ANXA6: variants seen among roughly 807,000 people sequenced by gnomAD.
ANXA6 encodes the protein 67 kDa calelectrin.
Under a neutral mutation model 95.4 loss-of-function variants are expected in ANXA6, and 71 were observed. The ratio of observed to expected loss-of-function variants is 0.74; its 90% CI spans 0.61 to 0.91. ANXA6 has a LOEUF of 0.91. ANXA6 is among the 40% of genes least tolerant of loss of function. ANXA6 has a pLI of 0.00. For missense variants in ANXA6, 830 were observed against 876.4 expected (o/e 0.95, Z 0.67); for synonymous variants, 289 against 315.9 (o/e 0.91, Z 0.90).
At chr5:151,143,104 A>T (rs1388929276) in intron 2 of ANXA6, among the ~76,000 whole-genome samples, 1 of 152,208 alleles carries the variant, frequency 6.6e-6, no homozygotes, top group East Asian at 1.9e-4. Flanking sequence ...GTCTATTACC[A>T]CTTGTGTCCC....
intron 10 of ANXA6, among the ~76,000 whole-genome samples, chr5:151,131,950 G>C (rs10051414): frequency 6.6e-6 from 1 of 151,870 alleles, no homozygotes; most frequent in South Asian, 2.1e-4. Flanking sequence ...CCAAGCCCAT[G>C]TGGGAGAAGC....
chr5:151,118,792 T>G (rs1461559474), intron 18 of ANXA6, among the ~76,000 whole-genome samples: 3 of 151,944 alleles, frequency 2.0e-5, no homozygotes, highest in African/African-American at 7.3e-5. Flanking sequence ...GGTCTCGAAG[T>G]CCTGGGCTCA....
At chr5:151,138,567 G>T in intron 5 of ANXA6, 111 bp downstream of exon 5, 1 of 710,970 alleles carries the variant, frequency 1.4e-6, no homozygotes, top group Non-Finnish European at 2.5e-6. Flanking sequence ...CTTTGAAGCA[G>T]GACACATGTG....
chr5:151,139,955 A>C (rs567414783), intron 3 of ANXA6, among the ~76,000 whole-genome samples, 198 bp downstream of exon 3: 12 of 152,292 alleles, frequency 7.9e-5, no homozygotes, highest in African/African-American at 2.4e-4. Flanking sequence ...TCTATGGGTG[A>C]AATTTCTATT....
intron 2 of ANXA6, 147 bp downstream of exon 2, chr5:151,147,737 T>C (rs560974436): frequency 4.2e-5 from 34 of 818,286 alleles, no homozygotes; most frequent in Non-Finnish European, 6.1e-5. Context: ...CCATGACTTG[T>C]AACAGGAGCA....
At chr5:151,140,000 T>C (rs1342269667) in intron 3 of ANXA6, among the ~76,000 whole-genome samples, 153 bp downstream of exon 3, 3 of 152,138 alleles carry the variant, frequency 2.0e-5, no homozygotes, top group Non-Finnish European at 4.4e-5. Flanking sequence ...CATTTTATTA[T>C]AACATCATGA....
At position 151,119,396 on chromosome 5, in the gene ANXA6, A is replaced by G. The variant is rs2113911977; in HGVS notation, c.1348-6T>C. ...TTTTCATCTGTGCCGGCTCCCTGGA[A>G]TGTCAAGGCAAAGATGATCTCAGCC... On this transcript the variant is annotated splice_polypyrimidine_tract_variant and splice_region_variant and intron_variant, in intron 17 of 25. Coordinates refer to ENST00000354546, the MANE Select transcript of ANXA6 (RefSeq NM_001155.5). 2 of 1,613,384 alleles carry G rather than the reference A, an allele frequency of 1.2e-6. No individual in the cohort carries two copies. Among genetic ancestry groups the G allele is most frequent in the Non-Finnish European group, 1.7e-6 (2 of 1,179,456 alleles).
intron 2 of ANXA6, among the ~76,000 whole-genome samples, chr5:151,145,617 G>A (rs539809675): frequency 3.3e-5 from 5 of 152,322 alleles, no homozygotes; most frequent in South Asian, 2.1e-4. Context: ...GCATGCACAC[G>A]TGTGTATACA....
intron 13 of ANXA6, 63 bp from the exon 14 acceptor site, chr5:151,126,543 AACACACAC>A (rs3079845): frequency 2.4e-4 from 197 of 829,190 alleles, no homozygotes; most frequent in Non-Finnish European, 3.1e-4. Context: ...CACTCACACC[AACACACAC>A]ACACACACAC....
chr5:151,147,816 G>A, intron 2 of ANXA6, 68 bp downstream of exon 2: 3 of 1,539,988 alleles, frequency 1.9e-6, no homozygotes, highest in Non-Finnish European at 1.8e-6. Flanking sequence ...AGCAGGCCTA[G>A]TGGCTCCAGG....
In ANXA6 at chr5:151,156,832, A is replaced by G. The variant is rs181108325; in HGVS notation, c.-26+848T>C. 3.2e-3 allele frequency among the ~76,000 whole-genome samples: 482 copies of G among 152,284 alleles called. 2 individuals carry two copies. Among genetic ancestry groups the G allele is most frequent in the African/African-American group, 0.011 (444 of 41,550 alleles). ...CAGCTGACAAATAAATCAGTTTTCAAAGCCATTGTTTCCTTTGAAAGAGAC... is the reference window on the plus strand; with the variant it reads ...CAGCTGACAAATAAATCAGTTTTCAGAGCCATTGTTTCCTTTGAAAGAGAC... On this transcript the variant is annotated intron_variant, in intron 1 of 25. Coordinates refer to ENST00000354546, the MANE Select transcript of ANXA6 (RefSeq NM_001155.5).
intron 17 of ANXA6, among the ~76,000 whole-genome samples, chr5:151,121,335 G>C (rs928159149): frequency 3.3e-5 from 5 of 152,218 alleles, no homozygotes; most frequent in African/African-American, 4.8e-5. Context: ...CTTGTGGCTT[G>C]AGGAGGCAAC....
In ANXA6 at chr5:151,109,760, G is replaced by GA; in HGVS notation, c.1676dup (p.Arg560ProfsTer14). The GA allele has an allele frequency of 6.2e-7, 1 of 1,609,194 alleles. No homozygotes were observed. The highest frequency in any genetic ancestry group is 8.5e-7 in the Non-Finnish European group (1 of 1,177,562). ...GAGGAGGTCAGGCCTCACCTCTCCG[G>GA]AGGTGCGGATAGCTCCGGGTACACA... is the stretch of plus-strand genomic sequence containing the variant. On this transcript the variant is annotated frameshift_variant, in exon 22 of 26. Coordinates refer to ENST00000354546, the MANE Select transcript of ANXA6 (RefSeq NM_001155.5). LOFTEE classifies it high-confidence loss of function.
Position 151,147,923 on chromosome 5 carries a change from T to C in ANXA6, c.-22A>G. The C allele has an allele frequency of 2.5e-6, 4 of 1,604,606 alleles. No individual in the cohort carries two copies. The highest frequency in any genetic ancestry group is 3.4e-6 in the Non-Finnish European group (4 of 1,175,542). ...CCATGGTCTCCGGTTCGCAGCAGAA[T>C]CCACTGTAGAGAAGAAAGACAGCAT... On this transcript the variant is annotated 5_prime_UTR_variant, in exon 2 of 26. Transcript: ENST00000354546.
intron 2 of ANXA6, among the ~76,000 whole-genome samples, chr5:151,144,771 T>C (rs1442199578): frequency 6.6e-6 from 1 of 152,124 alleles, no homozygotes; most frequent in African/African-American, 2.4e-5. Context: ...CTCGGGCTCC[T>C]GCACAGTTCT....
chr5:151,128,946 CAAAAAAAA>C (rs372400204), intron 12 of ANXA6, among the ~76,000 whole-genome samples: 1 of 127,792 alleles, frequency 7.8e-6, no homozygotes, highest in Non-Finnish European at 1.7e-5. Flanking sequence ...TTCAGTCATC[CAAAAAAAA>C]AAAAAAAAAG....
intron 18 of ANXA6, among the ~76,000 whole-genome samples, chr5:151,118,224 G>A (rs1453233066): frequency 1.3e-5 from 2 of 150,986 alleles, no homozygotes; most frequent in Non-Finnish European, 2.9e-5. Context: ...CAAAAATTCT[G>A]CCATTTTAAA....
chr5:151,137,204 CT>C (rs1346472111), intron 6 of ANXA6, 26 bp downstream of exon 6: 2 of 1,596,916 alleles, frequency 1.3e-6, no homozygotes, highest in Admixed American at 3.4e-5. Context: ...TCTGAAGATC[CT>C]AAGCGGCCCC....
intron 23 of ANXA6, among the ~76,000 whole-genome samples, chr5:151,107,482 G>A (rs750848434): frequency 1.3e-5 from 2 of 152,078 alleles, no homozygotes; most frequent in African/African-American, 2.4e-5. Context: ...GGCCCATCAC[G>A]TGCTAAACAA....
Sources: allele counts gnomAD v4.1 joint callset (sites outside exome capture counted in the v4.1 genomes callset), GRCh38; gene constraint gnomAD v4.1.1; transcripts MANE v1.5; gene names NCBI Gene and HGNC (gene_info 2026-07-23, HGNC 2026-07-21).